Variants in DNAJB11 observed in about 807,000 individuals in gnomAD.
DNAJB11 encodes DnaJ heat shock protein family (Hsp40) member B11.
DNAJB11 carries 30 observed loss-of-function variants against 47.2 expected under a neutral mutation model. The observed-to-expected ratio is 0.64, with a 90% CI of 0.48 to 0.86. The LOEUF is 0.86. Among genes scored for constraint, DNAJB11 ranks in the 40% least tolerant of loss-of-function variants. The probability of loss-of-function intolerance (pLI) is 0.00; values close to 1 mark genes in which losing one functional copy is unlikely to be tolerated. For synonymous variants in DNAJB11, 151 were observed against 159.9 expected (o/e 0.94, Z 0.42); for missense variants, 357 against 440.2 (o/e 0.81, Z 1.69).
Position 186,584,433 on chromosome 3 carries a change from C to A in DNAJB11, c.856C>A (p.His286Asn). 1 of 1,549,084 alleles carries A rather than the reference C, an allele frequency of 6.5e-7. No homozygotes were observed. The highest frequency in any genetic ancestry group is 8.7e-7 in the Non-Finnish European group (1 of 1,155,832). The change falls in exon 9 of 10, where the codon CAT (histidine) becomes AAT (asparagine). Residue 286 changes from histidine to asparagine, a missense_variant. Coordinates refer to ENST00000265028, the MANE Select transcript of DNAJB11 (RefSeq NM_016306.6). The stretch of plus-strand genomic sequence containing the variant: ...TACATTCCCTTTGGTTTTCTAGGTA[C>A]ATATTTCCCGGGATAAGATCACCAG... ...DITHLDGHKV[H>N]ISRDKITRPG...
intron 4 of DNAJB11, chr3:186,578,002 A>C: frequency 2.8e-6 from 1 of 362,196 alleles, no homozygotes; most frequent in Non-Finnish European, 4.9e-6. Context: ...ACTAAGTAAA[A>C]CATTACCATG....
rs1446006736 is a variant in DNAJB11 at position 186,573,470 on chromosome 3, C to T, written c.225+1219C>T. Among the ~76,000 whole-genome samples the T allele has an allele frequency of 6.6e-5, 10 of 152,184 alleles. No individual in the cohort carries two copies. In the East Asian group the frequency reaches 9.7e-4, roughly 15 times the overall value. ...CACGATCTCGGCTCACTGCAAGCTCCGCCTCCTGGGTTTTACGCCATTCTC... is the reference window on the plus strand; with the variant it reads ...CACGATCTCGGCTCACTGCAAGCTCTGCCTCCTGGGTTTTACGCCATTCTC... On this transcript the variant is annotated intron_variant, in intron 2 of 9. Transcript: ENST00000265028.
chr3:186,573,836 G>A (rs1171614214), intron 2 of DNAJB11, among the ~76,000 whole-genome samples: 1 of 152,138 alleles, frequency 6.6e-6, no homozygotes, highest in Non-Finnish European at 1.5e-5. Flanking sequence ...TTGTTTGCTA[G>A]GAACCTAATA....
chr3:186,585,585 C>A lies in DNAJB11; in HGVS notation c.*177C>A. The A allele has an allele frequency of 2.3e-6, 1 of 436,014 alleles. No individual in the cohort carries two copies. The highest frequency in any genetic ancestry group is 6.4e-4 in the Middle Eastern group (1 of 1,552). The allele number at this position is 436,014 out of a possible 1,614,324, so 27.0% of individuals were successfully genotyped here. A position where few individuals can be genotyped will look rare whatever the true frequency, so the allele number is the denominator to read the frequency against. ...GCTTAAGAATTTGTCCATTTGCATT[C>A]GGAAAAGAATGACCAGCAAAAGGTT... is the stretch of plus-strand genomic sequence containing the variant. On this transcript the variant is annotated 3_prime_UTR_variant, in exon 10 of 10. Coordinates refer to ENST00000265028, the MANE Select transcript of DNAJB11 (RefSeq NM_016306.6).
rs748269844 is a variant in DNAJB11, at chr3:186,584,015, G to A, written c.852+39G>A. On this transcript the variant is annotated intron_variant, in intron 8 of 9. Coordinates refer to ENST00000265028, the MANE Select transcript of DNAJB11 (RefSeq NM_016306.6). The stretch of plus-strand genomic sequence containing the variant: ...TTTACTCGTTCTGCATCCTTTTGAA[G>A]CCTTTATGTGGGTAGTTTTGAGATG... The A allele has an allele frequency of 5.6e-6, 8 of 1,426,382 alleles. No homozygotes were observed. The Admixed American group carries it at 6.7e-5, about 12-fold the overall frequency. 88.4% of individuals were successfully genotyped at this position (1,426,382 alleles called of 1,614,324 possible). A position where few individuals can be genotyped will look rare whatever the true frequency, so the allele number is the denominator to read the frequency against.
At chr3:186,583,438 G>A (rs1311851366) in intron 7 of DNAJB11, among the ~76,000 whole-genome samples, 1 of 152,182 alleles carries the variant, frequency 6.6e-6, no homozygotes, top group Non-Finnish European at 1.5e-5. Context: ...AACATGTGTT[G>A]TTTCCTGAAT....
At position 186,570,789 on chromosome 3, in the gene DNAJB11, G is replaced by GC. The variant is rs1342990045; in HGVS notation, c.-102dup. On this transcript the variant is annotated 5_prime_UTR_variant, in exon 1 of 10. Coordinates refer to ENST00000265028, the MANE Select transcript of DNAJB11 (RefSeq NM_016306.6). ...CTCTGCGGACCAAGGAGACCCCCGC[G>GC]CCCCCCCGGTGTGAGGCGGCCTCAC... 120 of 980,150 alleles carry GC rather than the reference G, an allele frequency of 1.2e-4. No homozygotes were observed. The highest frequency in any genetic ancestry group is 6.2e-4 in the South Asian group (42 of 67,396). 60.7% of individuals were successfully genotyped at this position (980,150 alleles called of 1,614,324 possible).
intron 2 of DNAJB11, among the ~76,000 whole-genome samples, chr3:186,572,940 G>T (rs1179190774): frequency 6.6e-6 from 1 of 152,144 alleles, no homozygotes; most frequent in Non-Finnish European, 1.5e-5. Context: ...TTGTAAAAGT[G>T]TTGGTAACTA....
intron 3 of DNAJB11, among the ~76,000 whole-genome samples, chr3:186,576,159 A>G (rs2280388): frequency 0.31 from 46,809 of 152,110 alleles, 10,110 homozygotes; most frequent in African/African-American, 0.61. Flanking sequence ...CTAGCCAACC[A>G]TATCAGTTAA....
intron 3 of DNAJB11, 119 bp downstream of exon 3, chr3:186,576,056 C>A (rs921205991): frequency 1.5e-5 from 10 of 658,944 alleles, no homozygotes; most frequent in Middle Eastern, 5.0e-4. Context: ...TTTAGCTGAT[C>A]CAAAGATCAA....
chr3:186,581,606 T>G, intron 5 of DNAJB11, 93 bp downstream of exon 5: 1 of 1,401,450 alleles, frequency 7.1e-7, no homozygotes, highest in Non-Finnish European at 9.7e-7. Flanking sequence ...GATCTTTCTC[T>G]GTCCCCTCCC....
Position 186,570,921 on chromosome 3 carries a change from CT to C in DNAJB11, c.28del (p.Cys10AlafsTer11). On this transcript the variant is annotated frameshift_variant, in exon 1 of 10. Coordinates refer to ENST00000265028, the MANE Select transcript of DNAJB11 (RefSeq NM_016306.6). LOFTEE classifies it high-confidence loss of function. The stretch of plus-strand genomic sequence containing the variant: ...CCATGGCTCCGCAGAACCTGAGCAC[CT>C]TTTGCCTGTTGCTGCTATACCTCAT... MAPQNLST[F>X]CLLLLYLIGA... The C allele has an allele frequency of 1.3e-6, 2 of 1,580,198 alleles. No homozygotes were observed. Among genetic ancestry groups the C allele is most frequent in the South Asian group, 1.1e-5 (1 of 89,098 alleles).
In DNAJB11 at chr3:186,572,653, A is replaced by G. The variant is rs534312460; in HGVS notation, c.225+402A>G. On this transcript the variant is annotated intron_variant, in intron 2 of 9. Coordinates refer to ENST00000265028, the MANE Select transcript of DNAJB11 (RefSeq NM_016306.6). ...AACCAAAAATAAAAAGAAAGCCTTC[A>G]TGAGAGTTGCAAACCTGCATGTTCA... is the stretch of plus-strand genomic sequence containing the variant. Among the ~76,000 whole-genome samples, 158 of 152,380 alleles carry G rather than the reference A, an allele frequency of 1.0e-3. 2 individuals are homozygous for G. The highest frequency in any genetic ancestry group is 3.6e-3 in the African/African-American group (149 of 41,592).
chr3:186,575,988 T>C (rs371828669), intron 3 of DNAJB11, 51 bp downstream of exon 3: 2 of 1,323,968 alleles, frequency 1.5e-6, no homozygotes, highest in African/African-American at 2.9e-5. Context: ...GAGGGTCACT[T>C]AGCGATTAAA....
At chr3:186,575,707 AG>A (rs1432258765) in intron 2 of DNAJB11, 132 bp from the exon 3 acceptor site, 1 of 628,510 alleles carries the variant, frequency 1.6e-6, no homozygotes, top group African/African-American at 1.8e-5. Context: ...GCCTTAATAC[AG>A]TACATAATGG....
At chr3:186,577,138 T>G (rs1008017515) in intron 3 of DNAJB11, among the ~76,000 whole-genome samples, 1 of 152,230 alleles carries the variant, frequency 6.6e-6, no homozygotes, top group Non-Finnish European at 1.5e-5. Context: ...TTAGCTTATT[T>G]AATTACATAC....
At chr3:186,576,838 C>T (rs1280348973) in intron 3 of DNAJB11, among the ~76,000 whole-genome samples, 1 of 152,134 alleles carries the variant, frequency 6.6e-6, no homozygotes, top group Non-Finnish European at 1.5e-5. Flanking sequence ...CTTCCCCAGC[C>T]CCCACCCTGT....
At chr3:186,571,050 C>G in intron 1 of DNAJB11, 85 bp downstream of exon 1, 2 of 1,208,394 alleles carry the variant, frequency 1.7e-6, no homozygotes, top group Admixed American at 2.4e-5. Context: ...GTGGCATTGC[C>G]AGACTGACGG....
chr3:186,581,576 A>G, intron 5 of DNAJB11, 63 bp downstream of exon 5: 1 of 1,569,200 alleles, frequency 6.4e-7, no homozygotes, highest in Non-Finnish European at 8.7e-7. Flanking sequence ...CATCTAGTCA[A>G]ACACTAATGG....
Sources: allele counts gnomAD v4.1 joint callset (sites outside exome capture counted in the v4.1 genomes callset), GRCh38; gene constraint gnomAD v4.1.1; transcripts MANE v1.5; gene names NCBI Gene and HGNC (gene_info 2026-07-23, HGNC 2026-07-21).